SNTG2: variants seen among roughly 807,000 people sequenced by gnomAD.
The protein encoded by SNTG2 is syntrophin gamma 2, also known as gamma-2-syntrophin.
A neutral mutation model predicts 70.9 loss-of-function variants in SNTG2; 74 were observed. That is an observed-to-expected ratio of 1.04 (90% CI 0.86 to 1.27). SNTG2 has a LOEUF of 1.27. Among genes scored for constraint, SNTG2 ranks in the 50% most tolerant of loss-of-function variants. SNTG2 has a pLI of 0.00. For synonymous variants in SNTG2, 278 were observed against 273.8 expected (o/e 1.02, Z -0.15); for missense variants, 717 against 690.7 (o/e 1.04, Z -0.43).
chr2:1,180,291 T>C (rs1470821954), intron 8 of SNTG2, among the ~76,000 whole-genome samples: 4 of 135,934 alleles, frequency 2.9e-5, no homozygotes, highest in African/African-American at 5.3e-5. Flanking sequence ...ACCTACAGAA[T>C]GGGAGAAAAT....
rs150403346 is a variant in SNTG2 at position 1,060,414 on chromosome 2, G to A, written c.73-23104G>A. ...GAAGTGCATAGATACAGAGATAGAA[G>A]TGTCCTACCGTGGAGCACTGAGCAG... On this transcript the variant is annotated intron_variant, in intron 1 of 16. Transcript: ENST00000308624. 1.5e-4 allele frequency among the ~76,000 whole-genome samples: 23 copies of A among 152,272 alleles called. No individual in the cohort carries two copies. In the East Asian group the frequency reaches 4.4e-3, roughly 29 times the overall value.
At chr2:1,083,472 T>A in intron 1 of SNTG2, 46 bp from the exon 2 acceptor site, 1 of 1,610,502 alleles carries the variant, frequency 6.2e-7, no homozygotes, top group South Asian at 1.1e-5. Flanking sequence ...CACCCCTGGC[T>A]CCTGCCCTCA....
intron 7 of SNTG2, among the ~76,000 whole-genome samples, chr2:1,167,151 C>A (rs1365043085): frequency 1.3e-5 from 2 of 152,222 alleles, no homozygotes; most frequent in Non-Finnish European, 2.9e-5. Context: ...GACAGCAGAA[C>A]TGAAGCCTAC....
At chr2:1,054,776 A>C (rs1662283419) in intron 1 of SNTG2, among the ~76,000 whole-genome samples, 1 of 152,246 alleles carries the variant, frequency 6.6e-6, no homozygotes, top group East Asian at 1.9e-4. Context: ...ATTTTCAAAG[A>C]GGTACATTTT....
chr2:1,168,288 C>T (rs1259716247), intron 7 of SNTG2, among the ~76,000 whole-genome samples: 5 of 146,180 alleles, frequency 3.4e-5, no homozygotes, highest in East Asian at 2.0e-4. Context: ...GCCTAGAAGC[C>T]GCCCACAGAC....
intron 1 of SNTG2, among the ~76,000 whole-genome samples, chr2:1,033,840 C>A (rs1283907986): frequency 6.6e-6 from 1 of 152,168 alleles, no homozygotes; most frequent in East Asian, 1.9e-4. Context: ...GCCTGTGCTC[C>A]CTGCAATAAC....
chr2:1,295,820 A>G (rs1327362165), intron 14 of SNTG2, among the ~76,000 whole-genome samples: 1 of 150,378 alleles, frequency 6.6e-6, no homozygotes, highest in Non-Finnish European at 1.5e-5. Context: ...AATGTCTTCC[A>G]CTGTAGAAGG....
intron 16 of SNTG2, among the ~76,000 whole-genome samples, chr2:1,322,220 A>G (rs1234548452): frequency 1.3e-5 from 2 of 152,242 alleles, no homozygotes; most frequent in Non-Finnish European, 1.5e-5. Context: ...AGTTTTCAAA[A>G]TGGTAAATTG....
intron 1 of SNTG2, among the ~76,000 whole-genome samples, chr2:1,051,137 A>G (rs1283800364): frequency 9.1e-6 from 1 of 109,488 alleles, no homozygotes; most frequent in Non-Finnish European, 1.9e-5. Context: ...ATGTTTACAC[A>G]TTTCCTTCCT....
chr2:1,012,020 C>T (rs903649027), intron 1 of SNTG2, among the ~76,000 whole-genome samples: 25 of 152,318 alleles, frequency 1.6e-4, no homozygotes, highest in African/African-American at 5.5e-4. Flanking sequence ...ACTTTCTTTT[C>T]CCCAGTGAAT....
At chr2:1,339,353 A>G (rs1312007531) in intron 16 of SNTG2, among the ~76,000 whole-genome samples, 1 of 152,210 alleles carries the variant, frequency 6.6e-6, no homozygotes, top group African/African-American at 2.4e-5. Context: ...TCGATGCACG[A>G]AAGTTTTTTA....
In SNTG2 at chr2:1,361,271, A is replaced by G. The variant is rs139889653; in HGVS notation, c.1489-6072A>G. On this transcript the variant is annotated intron_variant, in intron 16 of 16. Coordinates refer to ENST00000308624, the MANE Select transcript of SNTG2 (RefSeq NM_018968.4). ...CCAACAATAAGAAAATTTACATTACAATGATTTGTCCCATTGAGTGTGTAG... is the reference window on the plus strand; with the variant it reads ...CCAACAATAAGAAAATTTACATTACGATGATTTGTCCCATTGAGTGTGTAG... 5.6e-3 allele frequency among the ~76,000 whole-genome samples: 856 copies of G among 152,296 alleles called. 9 individuals carry two copies. Among genetic ancestry groups the G allele is most frequent in the African/African-American group, 0.02 (812 of 41,560 alleles).
chr2:1,144,744 G>A (rs1668988834), intron 6 of SNTG2, among the ~76,000 whole-genome samples: 1 of 152,160 alleles, frequency 6.6e-6, no homozygotes, highest in Admixed American at 6.5e-5. Context: ...GAACAGTATG[G>A]AGGAAACTGC....
At chr2:1,210,841 G>A (rs1673991896) in intron 9 of SNTG2, among the ~76,000 whole-genome samples, 3 of 152,264 alleles carry the variant, frequency 2.0e-5, no homozygotes, top group Middle Eastern at 3.4e-3. Flanking sequence ...CAGCATAGTC[G>A]CATGCTGTAC....
chr2:1,309,379 CTTTCTGAGAAGCCTCTCACTGTG>C (rs1380851211), intron 15 of SNTG2, among the ~76,000 whole-genome samples: 1 of 152,258 alleles, frequency 6.6e-6, no homozygotes, highest in African/African-American at 2.4e-5. Flanking sequence ...ACTGCGCCTT[CTTTCTGAGAAGCCTCTCACTGTG>C]TGGCCTCTCT....
intron 6 of SNTG2, among the ~76,000 whole-genome samples, chr2:1,164,690 C>T (rs1670587872): frequency 6.6e-6 from 1 of 151,620 alleles, no homozygotes; most frequent in Admixed American, 6.6e-5. Flanking sequence ...AGGCAGGAAC[C>T]TGCTCAAATT....
At chr2:1,027,930 C>T (rs1660579186) in intron 1 of SNTG2, among the ~76,000 whole-genome samples, 1 of 135,334 alleles carries the variant, frequency 7.4e-6, no homozygotes, top group Non-Finnish European at 1.6e-5. Flanking sequence ...ACAGACACTA[C>T]CCAGCAAGTA....
chr2:983,141 G>T (rs1661172067), intron 1 of SNTG2, among the ~76,000 whole-genome samples: 1 of 151,814 alleles, frequency 6.6e-6, no homozygotes, highest in Admixed American at 6.6e-5. Context: ...TCAGGATGAA[G>T]AAGCTGCGGA....
At chr2:1,261,099 A>C (rs977003603) in intron 13 of SNTG2, among the ~76,000 whole-genome samples, 4 of 152,202 alleles carry the variant, frequency 2.6e-5, no homozygotes, top group African/African-American at 9.6e-5. Flanking sequence ...AAATGGGGTA[A>C]ATAATAATAA....
Sources: allele counts gnomAD v4.1 joint callset (sites outside exome capture counted in the v4.1 genomes callset), GRCh38; gene constraint gnomAD v4.1.1; transcripts MANE v1.5; gene names NCBI Gene and HGNC (gene_info 2026-07-23, HGNC 2026-07-21).